SH3YL1: variants seen among roughly 807,000 people sequenced by gnomAD.
SH3YL1 encodes the protein SH3 and SYLF domain containing 1.
In SH3YL1, 41 loss-of-function variants were observed where a neutral mutation model predicts 45.8. The observed-to-expected ratio is 0.89, with a 90% CI of 0.70 to 1.16. The LOEUF (loss-of-function observed/expected upper bound fraction) is 1.16. Among genes scored for constraint, SH3YL1 ranks in the 50% most tolerant of loss-of-function variants. The probability of loss-of-function intolerance (pLI) is 0.00; values close to 1 mark genes in which losing one functional copy is unlikely to be tolerated. For missense variants in SH3YL1, 389 were observed against 409.6 expected, an observed-to-expected ratio of 0.95 and a Z score of 0.43; for synonymous variants, 152 against 151.4, an observed-to-expected ratio of 1.00 and a Z score of -0.03.
chr2:238,259 TTGTGTGTGTGTGTG>T (rs3842546), intron 4 of SH3YL1, among the ~76,000 whole-genome samples: 80 of 141,840 alleles, frequency 5.6e-4, no homozygotes, highest in South Asian at 2.4e-3. Flanking sequence ...TCCTCCCTCC[TTGTGTGTGTGTGTG>T]TGTGTGTGTG....
upstream of SH3YL1, chr2:264,302 T>G: frequency 2.9e-6 from 1 of 344,292 alleles, no homozygotes; most frequent in East Asian, 4.6e-5. Flanking sequence ...GCCGCCCTGG[T>G]CCGGCGTGGA....
intron 9 of SH3YL1, among the ~76,000 whole-genome samples, chr2:224,215 G>A (rs1266559124): frequency 6.6e-6 from 1 of 152,086 alleles, no homozygotes; most frequent in Non-Finnish European, 1.5e-5. Context: ...GCAAATAATT[G>A]CTCAATTCTC....
At chr2:258,399 ATTCT>A (rs2103058779) in intron 1 of SH3YL1, among the ~76,000 whole-genome samples, 1 of 152,162 alleles carries the variant, frequency 6.6e-6, no homozygotes, top group East Asian at 1.9e-4. Flanking sequence ...TAGGTATTTT[ATTCT>A]TTTTGTGTAA....
intron 4 of SH3YL1, among the ~76,000 whole-genome samples, chr2:244,470 T>TTTGA (rs1321413978): frequency 1.2e-4 from 17 of 146,216 alleles, no homozygotes; most frequent in Non-Finnish European, 2.2e-4. Context: ...CACTCCAGCC[T>TTTGA]GGGCGACAGA....
At chr2:251,393 C>A (rs1311361143) in intron 2 of SH3YL1, among the ~76,000 whole-genome samples, 1 of 152,170 alleles carries the variant, frequency 6.6e-6, no homozygotes, top group African/African-American at 2.4e-5. Context: ...TAATGCCCCC[C>A]ACCAGACTCC....
chr2:263,898 CG>C, intron 1 of SH3YL1, 85 bp downstream of exon 1: 1 of 1,187,440 alleles, frequency 8.4e-7, no homozygotes, highest in Non-Finnish European at 1.2e-6. Flanking sequence ...GAGGCATCGC[CG>C]GTTTTCCCGT....
At chr2:242,605 C>T (rs2952789) in intron 4 of SH3YL1, among the ~76,000 whole-genome samples, 1 of 151,826 alleles carries the variant, frequency 6.6e-6, no homozygotes, top group Non-Finnish European at 1.5e-5. Context: ...GGGACAAAAA[C>T]GGCATGAGAT....
intron 9 of SH3YL1, among the ~76,000 whole-genome samples, chr2:222,011 T>C (rs768765610): frequency 6.6e-6 from 1 of 152,180 alleles, no homozygotes; most frequent in Non-Finnish European, 1.5e-5. Flanking sequence ...TAATGATTCC[T>C]TCCATGAAGA....
At chr2:253,214 G>A in intron 1 of SH3YL1, 99 bp from the exon 2 acceptor site, 1 of 716,300 alleles carries the variant, frequency 1.4e-6, no homozygotes, top group Non-Finnish European at 2.3e-6. Context: ...TGTCAGAGGT[G>A]TTCAAACCAG....
At chr2:248,959 G>A (rs1045116210) in intron 3 of SH3YL1, among the ~76,000 whole-genome samples, 1 of 152,106 alleles carries the variant, frequency 6.6e-6, no homozygotes, top group Non-Finnish European at 1.5e-5. Context: ...CTATTTCAAG[G>A]CCATATATTT....
chr2:244,504 GAAAGAAAGAAAGAAAGAAAAGAA>G (rs1293004456), intron 4 of SH3YL1: 1 of 138,382 alleles, frequency 7.2e-6, no homozygotes, highest in African/African-American at 2.7e-5. Flanking sequence ...TCAAAAGAAA[GAAAGAAAGAAAGAAAGAAAAGAA>G]AAAGAAAGAA....
chr2:256,276 A>G (rs1669320865), intron 1 of SH3YL1: 1 of 152,226 alleles, frequency 6.6e-6, no homozygotes, highest in Admixed American at 6.5e-5. Context: ...CTGGTATTCT[A>G]ATGTGTGGAC....
intron 1 of SH3YL1, chr2:255,945 A>G (rs1463007873): frequency 6.6e-6 from 1 of 152,240 alleles, no homozygotes; most frequent in African/African-American, 2.4e-5. Context: ...CTCTCAGTGT[A>G]GGCTTTTCAA....
At chr2:262,378 G>A (rs754554778) in intron 1 of SH3YL1, 11 of 282,806 alleles carry the variant, frequency 3.9e-5, no homozygotes, top group Non-Finnish European at 5.6e-5. Flanking sequence ...ACCCCAGGCT[G>A]TGGCTGGGGA....
At chr2:259,749 T>C (rs1669507486) in intron 1 of SH3YL1, 1 of 150,870 alleles carries the variant, frequency 6.6e-6, no homozygotes, top group Non-Finnish European at 1.5e-5. Context: ...GACACCTCAA[T>C]TCTATGTTGA....
At chr2:248,666 C>A (rs182542248) in intron 3 of SH3YL1, among the ~76,000 whole-genome samples, 1 of 152,254 alleles carries the variant, frequency 6.6e-6, no homozygotes, top group Non-Finnish European at 1.5e-5. Flanking sequence ...GCAAGTCACC[C>A]CATCAATGGA....
intron 8 of SH3YL1, among the ~76,000 whole-genome samples, chr2:228,371 A>AGAAACAACCTTCAGAGCTTTTCAATTATT (rs1490921708): frequency 8.5e-5 from 13 of 152,264 alleles, no homozygotes; most frequent in Admixed American, 3.3e-4. Context: ...GTTATATGGC[A>AGAAACAACCTTCAGAGCTTTTCAATTATT]GAAACAACCT....
At chr2:241,913 A>T (rs1371904629) in intron 4 of SH3YL1, 2 of 152,156 alleles carry the variant, frequency 1.3e-5, no homozygotes, top group Non-Finnish European at 2.9e-5. Flanking sequence ...TTCTAAACAA[A>T]GTCCTTCAGG....
In SH3YL1 at chr2:264,031, A is replaced by C; in HGVS notation, c.-47T>G. ...CCCCGTCCCGAGGCTGCCCAGGAAG[A>C]GGAAGGCGCGCTGCCCCGCCCCGCG... On this transcript the variant is annotated 5_prime_UTR_variant, in exon 1 of 10. Coordinates refer to ENST00000356150, the MANE Select transcript of SH3YL1 (RefSeq NM_015677.4). 1 of 1,389,474 alleles carries C rather than the reference A, an allele frequency of 7.2e-7. No homozygotes were observed. The highest frequency in any genetic ancestry group is 9.4e-7 in the Non-Finnish European group (1 of 1,064,720). 86.1% of individuals were successfully genotyped at this position (1,389,474 alleles called of 1,614,324 possible). A position where few individuals can be genotyped will look rare whatever the true frequency, so the allele number is the denominator to read the frequency against.
Sources: gnomAD v4.1 joint callset for allele counts (sites outside exome capture counted in the v4.1 genomes callset) on GRCh38, gnomAD v4.1.1 for gene constraint, MANE v1.5 for transcripts, NCBI Gene and HGNC (gene_info 2026-07-23, HGNC 2026-07-21) for gene names.